Variants in TDRD9 observed in about 807,000 individuals in gnomAD.
TDRD9 encodes the protein ATP-dependent RNA helicase TDRD9.
Under a neutral mutation model 172.6 loss-of-function variants are expected in TDRD9, and 124 were observed. That is an observed-to-expected ratio of 0.72 (90% CI 0.62 to 0.83). TDRD9 has a LOEUF of 0.83. Among genes scored for constraint, TDRD9 ranks in the 40% least tolerant of loss-of-function variants. The pLI is 0.00. For missense variants in TDRD9, 1,479 were observed against 1,714.1 expected (o/e 0.86, Z 2.42); for synonymous variants, 619 against 617.1 (o/e 1.00, Z -0.05).
chr14:104,051,570 A>G (rs1003206903), intron 35 of TDRD9, among the ~76,000 whole-genome samples: 5 of 152,210 alleles, frequency 3.3e-5, no homozygotes, highest in African/African-American at 7.2e-5. Context: ...ATTCCCACCA[A>G]TGGTGTATAA....
At chr14:103,994,050 G>A (rs2033968313) in intron 9 of TDRD9, among the ~76,000 whole-genome samples, 1 of 152,114 alleles carries the variant, frequency 6.6e-6, no homozygotes, top group Non-Finnish European at 1.5e-5. Context: ...GGGTAAAAAA[G>A]GAATACAAAA....
chr14:103,958,692 G>A (rs902193169), intron 2 of TDRD9, among the ~76,000 whole-genome samples: 2 of 152,328 alleles, frequency 1.3e-5, no homozygotes, highest in African/African-American at 2.4e-5. Context: ...TGGCTGATAA[G>A]GCAAGGGAAT....
intron 12 of TDRD9, among the ~76,000 whole-genome samples, chr14:103,996,648 G>A (rs2034069390): frequency 6.6e-6 from 1 of 152,166 alleles, no homozygotes; most frequent in Admixed American, 6.5e-5. Flanking sequence ...GGGTAAACCA[G>A]GGCAGATGAT....
intron 20 of TDRD9, among the ~76,000 whole-genome samples, chr14:104,012,716 T>G (rs1192118855): frequency 6.6e-6 from 1 of 152,138 alleles, no homozygotes; most frequent in Non-Finnish European, 1.5e-5. Context: ...CTTTTAGTGT[T>G]GGTTTCCTCT....
intron 2 of TDRD9, among the ~76,000 whole-genome samples, chr14:103,956,111 A>AATATATATATATATATATATAT (rs1173008862): frequency 2.2e-4 from 4 of 18,360 alleles, no homozygotes; most frequent in African/African-American, 8.2e-4. Flanking sequence ...AAAAAAAAAA[A>AATATATATATATATATATATAT]ATATATATAT....
At chr14:103,946,995 C>T (rs902120778) in intron 1 of TDRD9, among the ~76,000 whole-genome samples, 1 of 151,426 alleles carries the variant, frequency 6.6e-6, no homozygotes, top group Non-Finnish European at 1.5e-5. Flanking sequence ...GCAATCTCTG[C>T]CAAAATCCTA....
chr14:103,976,552 C>T (rs1595936999), intron 7 of TDRD9, among the ~76,000 whole-genome samples: 2 of 152,128 alleles, frequency 1.3e-5, no homozygotes, highest in South Asian at 2.1e-4. Flanking sequence ...TGAGCCACCG[C>T]GCCTGGCCTA....
intron 20 of TDRD9, among the ~76,000 whole-genome samples, chr14:104,009,137 A>G (rs950756886): frequency 6.6e-6 from 1 of 152,246 alleles, no homozygotes; most frequent in African/African-American, 2.4e-5. Context: ...CCTGTACAGC[A>G]TGTGACTGTA....
intron 32 of TDRD9, 22 bp downstream of exon 32, chr14:104,035,078 A>C: frequency 6.5e-7 from 1 of 1,539,210 alleles, no homozygotes; most frequent in Non-Finnish European, 8.8e-7. Context: ...CCTCTTGTCT[A>C]TAGGCTTTGT....
intron 6 of TDRD9, among the ~76,000 whole-genome samples, chr14:103,971,583 T>C (rs10141374): frequency 0.041 from 6,222 of 152,140 alleles, 347 homozygotes; most frequent in Admixed American, 0.13. Context: ...TGATTACAGA[T>C]GTGAGCCACT....
chr14:103,992,627 A>G (rs1280554460), intron 9 of TDRD9, among the ~76,000 whole-genome samples: 1 of 152,108 alleles, frequency 6.6e-6, no homozygotes, highest in Non-Finnish European at 1.5e-5. Flanking sequence ...GCCGAGGCTT[A>G]AGAACACCTA....
intron 7 of TDRD9, among the ~76,000 whole-genome samples, chr14:103,976,782 C>T (rs752407440): frequency 6.6e-6 from 1 of 152,180 alleles, no homozygotes; most frequent in Non-Finnish European, 1.5e-5. Context: ...TACTAATTGA[C>T]ATTCCTACCA....
At chr14:104,035,183 C>G in intron 32 of TDRD9, 127 bp downstream of exon 32, 1 of 673,386 alleles carries the variant, frequency 1.5e-6, no homozygotes, top group Non-Finnish European at 2.5e-6. Flanking sequence ...CGTCTCGCTG[C>G]TTGGGGTGAA....
rs908288495 is a variant in TDRD9, at chr14:104,052,384, A to G, written c.*302A>G. 9.8e-6 allele frequency: 2 copies of G among 204,044 alleles called. No homozygotes were observed. Among genetic ancestry groups the G allele is most frequent in the South Asian group, 2.1e-4 (2 of 9,536 alleles). 12.6% of individuals were successfully genotyped at this position (204,044 alleles called of 1,614,324 possible). A position where few individuals can be genotyped will look rare whatever the true frequency, so the allele number is the denominator to read the frequency against. ...GATAAAGAGCTGTATTTTGCTTTAAATTTATTAAGGTAAATATAAGTAGTT... is the reference window on the plus strand; with the variant it reads ...GATAAAGAGCTGTATTTTGCTTTAAGTTTATTAAGGTAAATATAAGTAGTT... On this transcript the variant is annotated 3_prime_UTR_variant, in exon 36 of 36. Coordinates refer to ENST00000409874, the MANE Select transcript of TDRD9 (RefSeq NM_153046.3).
At chr14:103,981,575 G>A (rs760810470) in intron 7 of TDRD9, among the ~76,000 whole-genome samples, 24 of 152,208 alleles carry the variant, frequency 1.6e-4, no homozygotes, top group Non-Finnish European at 3.1e-4. Flanking sequence ...GTATACAGAT[G>A]TTCCTTGACT....
intron 24 of TDRD9, among the ~76,000 whole-genome samples, chr14:104,024,030 T>A (rs973933266): frequency 5.9e-5 from 9 of 152,222 alleles, no homozygotes; most frequent in African/African-American, 1.9e-4. Flanking sequence ...TTATTTTCTG[T>A]CAAATTTGTC....
intron 22 of TDRD9, among the ~76,000 whole-genome samples, chr14:104,017,732 C>G (rs1034632293): frequency 7.2e-5 from 11 of 152,122 alleles, no homozygotes; most frequent in Non-Finnish European, 1.6e-4. Flanking sequence ...TAGACATTTT[C>G]CTTTAAAGTT....
intron 2 of TDRD9, among the ~76,000 whole-genome samples, chr14:103,958,864 C>T (rs2032369747): frequency 6.6e-6 from 1 of 152,116 alleles, no homozygotes; most frequent in East Asian, 1.9e-4. Flanking sequence ...AAAACTAACA[C>T]ACTTGTATTG....
chr14:104,030,445 T>C (rs574152784), intron 28 of TDRD9, among the ~76,000 whole-genome samples: 13 of 152,266 alleles, frequency 8.5e-5, no homozygotes, highest in African/African-American at 3.1e-4. Context: ...GAGCTGAGAT[T>C]GCGCCATTGC....
Sources: gnomAD v4.1 joint callset for allele counts (sites outside exome capture counted in the v4.1 genomes callset) on GRCh38, gnomAD v4.1.1 for gene constraint, MANE v1.5 for transcripts, NCBI Gene and HGNC (gene_info 2026-07-23, HGNC 2026-07-21) for gene names.